The following MYO7B variants were observed in gnomAD, a reference collection of about 807,000 sequenced individuals.
MYO7B encodes myosin VIIB.
MYO7B carries 212 observed loss-of-function variants against 259.7 expected under a neutral mutation model. That is an observed-to-expected ratio of 0.82 (90% CI 0.73 to 0.91). The LOEUF is 0.91. Ranked by LOEUF, MYO7B falls within the 40% of genes least tolerant of loss-of-function variation. The pLI is 0.00. For synonymous variants in MYO7B, 1,197 were observed against 1,166.4 expected, an observed-to-expected ratio of 1.03 and a Z score of -0.54; for missense variants, 2,732 against 2,813.5, an observed-to-expected ratio of 0.97 and a Z score of 0.66.
rs1328951573 is a variant in MYO7B, at chr2:127,546,491, G to A, written c.-24+10660G>A. 6.6e-6 allele frequency among the ~76,000 whole-genome samples: 1 copy of A among 152,202 alleles called. No individual in the cohort carries two copies. The highest frequency in any genetic ancestry group is 1.5e-5 in the Non-Finnish European group (1 of 68,042). On this transcript the variant is annotated intron_variant, in intron 1 of 47. Coordinates refer to ENST00000409816, the MANE Select transcript of MYO7B (RefSeq NM_001393586.1). This position sits in a 1 kb window ranked among gnomAD's most constrained non-coding sequence, Gnocchi z 4.2. ...TCCAGTTCAGTGGCACCACAGAAAT[G>A]TTAGTGGTGTGGCTTCAGACCCACA...
Position 127,624,333 on chromosome 2 carries a change from A to G in MYO7B, c.4047+13A>G, listed in dbSNP as rs554662336. 7.6e-5 allele frequency: 119 copies of G among 1,559,474 alleles called. No homozygotes were observed. In the South Asian group the frequency reaches 1.3e-3, roughly 18 times the overall value. The stretch of plus-strand genomic sequence containing the variant: ...CAGCTTCGAGAAGGTGAGGGGCCTG[A>G]GAGCCAGGTCCACCCTAGGCTTTGC... On this transcript the variant is annotated intron_variant, in intron 30 of 47. Transcript: ENST00000409816.
Position 127,631,762 on chromosome 2 carries a change from G to T in MYO7B, c.5249+9G>T, listed in dbSNP as rs1449647092. The T allele has an allele frequency of 6.2e-7, 1 of 1,611,304 alleles. No individual in the cohort carries two copies. The highest frequency in any genetic ancestry group is 1.7e-5 in the Admixed American group (1 of 59,886). On this transcript the variant is annotated intron_variant, in intron 38 of 47. Coordinates refer to ENST00000409816, the MANE Select transcript of MYO7B (RefSeq NM_001393586.1). Reference sequence around the variant, plus strand: ...ACGCACAACTCCAACAGGTCTGCTGGGGCGGCGGCCAGCCCACGCGGGCAC... The same window carrying T: ...ACGCACAACTCCAACAGGTCTGCTGTGGCGGCGGCCAGCCCACGCGGGCAC...
Position 127,631,237 on chromosome 2 carries a change from G to C in MYO7B, c.4969G>C (p.Val1657Leu). 1 of 1,608,858 alleles carries C rather than the reference G, an allele frequency of 6.2e-7. No homozygotes were observed. The highest frequency in any genetic ancestry group is 8.5e-7 in the Non-Finnish European group (1 of 1,177,026). ...APEKDMVSMA[V>L]LPLARARGHL... is the part of the protein sequence containing the mutation. ...AGAGAAGGACATGGTGAGCATGGCC[G>C]TGCTGCCCCTGGCCCGTGCCCGTGG... The change falls in exon 37 of 48, where the codon GTG becomes CTG. Residue 1657 changes from valine (V) to leucine (L), a missense_variant. Transcript: ENST00000409816.
chr2:127,542,874 A>C (rs1200477304), intron 1 of MYO7B, among the ~76,000 whole-genome samples: 2 of 152,318 alleles, frequency 1.3e-5, no homozygotes, highest in African/African-American at 4.8e-5. Flanking sequence ...AAATAAGTTT[A>C]AGAAAAGGTG....
Position 127,635,868 on chromosome 2 carries a change from G to A in MYO7B, c.5967G>A (p.Glu1989=), listed in dbSNP as rs750458142. ...VPKILRELVP[E]NLTRLMSSEE... ...AGATCCTGAGGGAACTGGTGCCTGA[G>A]AACCTCACACGCCTGATGTCCTCGG... The change falls in exon 44 of 48, where the codon GAG becomes GAA. Residue 1989 remains glutamate, a synonymous_variant. Coordinates refer to ENST00000409816, the MANE Select transcript of MYO7B (RefSeq NM_001393586.1). The A allele has an allele frequency of 6.3e-7, 1 of 1,582,656 alleles. No individual in the cohort carries two copies. Among genetic ancestry groups the A allele is most frequent in the South Asian group, 1.2e-5 (1 of 86,282 alleles).
rs563071800 is a variant in MYO7B at position 127,537,931 on chromosome 2, G to A, written c.-24+2100G>A. Among the ~76,000 whole-genome samples the A allele has an allele frequency of 6.6e-5, 10 of 152,350 alleles. No individual in the cohort carries two copies. The South Asian group carries it at 2.1e-3, about 32-fold the overall frequency. ...GGATGAAGTCAAGTTTTCAAATCCAGTGTCATTGTAGACTCTGTTGTCTGC... is the reference window on the plus strand; with the variant it reads ...GGATGAAGTCAAGTTTTCAAATCCAATGTCATTGTAGACTCTGTTGTCTGC... On this transcript the variant is annotated intron_variant, in intron 1 of 47. Transcript: ENST00000409816.
chr2:127,635,966 C>T, intron 44 of MYO7B, 59 bp downstream of exon 44: 2 of 1,521,398 alleles, frequency 1.3e-6, no homozygotes, highest in South Asian at 1.3e-5. Context: ...GGCCCCTGCA[C>T]CAGTGCCATG....
chr2:127,582,174 GTTTCTTGCC>G, intron 11 of MYO7B, 121 bp from the exon 12 acceptor site: 1 of 1,464,382 alleles, frequency 6.8e-7, no homozygotes. Context: ...TTGGGCCCTG[GTTTCTTGCC>G]TTTGAAGGAG....
At chr2:127,588,895 G>A (rs547845518) in intron 15 of MYO7B, among the ~76,000 whole-genome samples, 36 of 146,628 alleles carry the variant, frequency 2.5e-4, no homozygotes, top group Admixed American at 9.4e-4. Flanking sequence ...TTGGATGGAT[G>A]GATGGATGAG....
chr2:127,559,735 A>G lies in MYO7B; in HGVS notation c.13A>G (p.Arg5Gly), dbSNP rs1362756814. Residue 5 changes from arginine to glycine, a missense_variant, in exon 2 of 48, where the codon AGG becomes GGG. By Grantham distance (125) the Arg-to-Gly change is moderately radical. Around this residue, in one of 3 missense-constraint regions of MYO7B, gnomAD observed 1,906 missense variants for 2,026.4 expected, o/e 0.94. Coordinates refer to ENST00000409816, the MANE Select transcript of MYO7B (RefSeq NM_001393586.1). This position sits in a 1 kb window ranked among gnomAD's most constrained non-coding sequence, Gnocchi z 4.1. ...CTGCTGACTCAGGATGTCGGGGTTC[A>G]GGCTGGTAAGAATTGTATGATTTGA... MSGF[R>G]LGDHVWLEPP... 10 of 1,613,872 alleles carry G rather than the reference A, an allele frequency of 6.2e-6. No individual in the cohort carries two copies. The highest frequency in any genetic ancestry group is 1.7e-5 in the Admixed American group (1 of 59,996).
chr2:127,593,805 G>A (rs1043531176), intron 18 of MYO7B, among the ~76,000 whole-genome samples, 161 bp downstream of exon 18: 4 of 152,350 alleles, frequency 2.6e-5, no homozygotes, highest in Middle Eastern at 6.8e-3. Context: ...CCTGGATGTA[G>A]AACATCACGC....
Position 127,632,233 on chromosome 2 carries a change from T to C in MYO7B, c.5250-13T>C. ...TGAGGGGCCTTTCCCGGCTGACAAG[T>C]GCTACCCTTCAGGCACAGCGAAGAG... On this transcript the variant is annotated splice_polypyrimidine_tract_variant and intron_variant, in intron 38 of 47. Transcript: ENST00000409816. 1.9e-6 allele frequency: 3 copies of C among 1,610,532 alleles called. No individual in the cohort carries two copies.
intron 18 of MYO7B, among the ~76,000 whole-genome samples, chr2:127,595,548 T>C (rs1679742541): frequency 6.6e-6 from 1 of 152,232 alleles, no homozygotes; most frequent in Non-Finnish European, 1.5e-5. Flanking sequence ...CTAGTTATTT[T>C]AGTTGTGATG....
Position 127,627,181 on chromosome 2 carries a change from C to A in MYO7B, c.4334-3C>A. ...CCTTCACACTGCCGTCTCTCCTGGC[C>A]AGGCCCCCGCCTGCCCAAGACGCAG... On this transcript the variant is annotated splice_region_variant and splice_polypyrimidine_tract_variant and intron_variant, in intron 32 of 47. Transcript: ENST00000409816. The surrounding 1 kb of genome is among the most constrained non-coding windows in gnomAD (Gnocchi z 5.6). 2 of 1,607,158 alleles carry A rather than the reference C, an allele frequency of 1.2e-6. No homozygotes were observed. The highest frequency in any genetic ancestry group is 1.7e-6 in the Non-Finnish European group (2 of 1,177,032).
rs1046159216 is a variant in MYO7B, at chr2:127,546,006, C to T, written c.-24+10175C>T. 3.3e-5 allele frequency among the ~76,000 whole-genome samples: 5 copies of T among 152,226 alleles called. No individual in the cohort carries two copies. The highest frequency in any genetic ancestry group is 1.2e-4 in the African/African-American group (5 of 41,452). On this transcript the variant is annotated intron_variant, in intron 1 of 47. Coordinates refer to ENST00000409816, the MANE Select transcript of MYO7B (RefSeq NM_001393586.1). The surrounding 1 kb of genome is among the most constrained non-coding windows in gnomAD (Gnocchi z 4.2). ...CTCCTTTGGGTGGTGGCCCTTCCAA[C>T]CTGTGTTCTTCTTGAGTGATGGCTT...
At chr2:127,561,244 G>A (rs1678073529) in intron 2 of MYO7B, among the ~76,000 whole-genome samples, 1 of 152,036 alleles carries the variant, frequency 6.6e-6, no homozygotes, top group African/African-American at 2.4e-5. Flanking sequence ...TGTCTTCAGA[G>A]ATTGTAAGTC....
In MYO7B at chr2:127,623,204, T is replaced by C; in HGVS notation, c.3648T>C (p.Ala1216=). The C allele has an allele frequency of 6.2e-7, 1 of 1,613,460 alleles. No individual in the cohort carries two copies. Among genetic ancestry groups the C allele is most frequent in the Admixed American group, 1.7e-5 (1 of 60,002 alleles). The part of the protein sequence containing the change: ...AEPPTWLELQ[A]VKSKKHIPIQ... ...AACTGAATCTCATCTGTCCCCAGGC[T>C]GTCAAGTCCAAGAAGCACATCCCCA... The change falls in exon 29 of 48, where the codon GCT becomes GCC. Residue 1216 remains alanine (A), a splice_region_variant and synonymous_variant. Coordinates refer to ENST00000409816, the MANE Select transcript of MYO7B (RefSeq NM_001393586.1).
At position 127,629,614 on chromosome 2, in the gene MYO7B, CCCTCAGCAAATAG is replaced by C. The variant is rs1558850358; in HGVS notation, c.4625-26_4625-14del. Reference sequence around the variant, plus strand: ...AGCACAGCCTCTGGCCCCTGCAGAGCCCTCAGCAAATAGCCTCCCTGCCCTTACAGATGACACC... The same window carrying C: ...AGCACAGCCTCTGGCCCCTGCAGAGCCCTCCCTGCCCTTACAGATGACACC... On this transcript the variant is annotated intron_variant, in intron 34 of 47. Transcript: ENST00000409816. 6.3e-7 allele frequency: 1 copy of C among 1,598,876 alleles called. No individual in the cohort carries two copies. The highest frequency in any genetic ancestry group is 1.7e-5 in the Admixed American group (1 of 58,214).
At chr2:127,596,794 G>A (rs1175535882) in intron 19 of MYO7B, among the ~76,000 whole-genome samples, 2 of 152,268 alleles carry the variant, frequency 1.3e-5, no homozygotes, top group Non-Finnish European at 2.9e-5. Flanking sequence ...GATGGGAGCC[G>A]AATGAAGGGG....
Sources: allele counts gnomAD v4.1 joint callset (sites outside exome capture counted in the v4.1 genomes callset), GRCh38; gene constraint gnomAD v4.1.1; regional missense constraint gnomAD v4.1.1; non-coding constraint Gnocchi (gnomAD v3.1); transcripts MANE v1.5; gene names NCBI Gene and HGNC (gene_info 2026-07-23, HGNC 2026-07-21).